Variants in RNF13 observed in about 807,000 individuals in gnomAD.
The protein encoded by RNF13 is E3 ubiquitin-protein ligase RNF13.
RNF13 carries 19 observed loss-of-function variants against 37.7 expected under a neutral mutation model. That is an observed-to-expected ratio of 0.50 (90% CI 0.35 to 0.74). The LOEUF (loss-of-function observed/expected upper bound fraction) is 0.74. Ranked by LOEUF, RNF13 falls within the 30% of genes least tolerant of loss-of-function variation. The pLI, the probability that RNF13 is intolerant of heterozygous loss-of-function variation, is 0.01. For missense variants in RNF13, 375 were observed against 453.0 expected (o/e 0.83, Z 1.56); for synonymous variants, 144 against 157.8 (o/e 0.91, Z 0.65).
chr3:149,916,953 A>G (rs1233025878), intron 7 of RNF13, among the ~76,000 whole-genome samples: 3 of 152,150 alleles, frequency 2.0e-5, no homozygotes, highest in African/African-American at 7.2e-5. Context: ...TGAAACCCAC[A>G]ACTTTTGATA....
rs547252923 is a variant in RNF13, at chr3:149,920,684, T to C, written c.607-450T>C. Among the ~76,000 whole-genome samples the C allele has an allele frequency of 1.5e-3, 230 of 152,236 alleles. 1 individual carries two copies. Among genetic ancestry groups the C allele is most frequent in the African/African-American group, 5.2e-3 (215 of 41,584 alleles). ...ATCCGGCATTTCTGAATATTTGTAG[T>C]GAAGGTGTTCTGCATTATTTCTGCC... is the stretch of plus-strand genomic sequence containing the variant. On this transcript the variant is annotated intron_variant, in intron 7 of 9. Coordinates refer to ENST00000392894, the MANE Select transcript of RNF13 (RefSeq NM_183381.3).
chr3:149,831,363 A>C (rs1721031206), intron 1 of RNF13, among the ~76,000 whole-genome samples: 1 of 152,228 alleles, frequency 6.6e-6, no homozygotes, highest in East Asian at 1.9e-4. Context: ...GAACTGCCCA[A>C]GTCTGCGGGA....
chr3:149,919,865 T>C (rs948722490), intron 7 of RNF13, among the ~76,000 whole-genome samples: 1 of 152,234 alleles, frequency 6.6e-6, no homozygotes, highest in South Asian at 2.1e-4. Flanking sequence ...CACCAGAAAG[T>C]GTATGAGAGT....
At chr3:149,945,255 C>T (rs917166951) in intron 8 of RNF13, among the ~76,000 whole-genome samples, 3 of 152,094 alleles carry the variant, frequency 2.0e-5, no homozygotes, top group African/African-American at 7.2e-5. Flanking sequence ...ATGCCTCCAG[C>T]TTTGTTCTTT....
At chr3:149,925,801 T>G (rs1442655851) in intron 8 of RNF13, among the ~76,000 whole-genome samples, 1 of 152,190 alleles carries the variant, frequency 6.6e-6, no homozygotes, top group Non-Finnish European at 1.5e-5. Context: ...ATTTCCAAAG[T>G]GATTGATGGT....
intron 6 of RNF13, among the ~76,000 whole-genome samples, chr3:149,906,896 G>A (rs1034522156): frequency 3.3e-5 from 5 of 152,064 alleles, no homozygotes; most frequent in African/African-American, 1.2e-4. Context: ...CAAGCAATCT[G>A]TCCGCCTCAG....
chr3:149,832,700 A>T (rs2108342268), intron 1 of RNF13, among the ~76,000 whole-genome samples: 1 of 152,334 alleles, frequency 6.6e-6, no homozygotes, highest in African/African-American at 2.4e-5. Flanking sequence ...GAAAGAGGGG[A>T]CACAACTACC....
chr3:149,939,025 T>G (rs1301531471), intron 8 of RNF13: 1 of 481,788 alleles, frequency 2.1e-6, no homozygotes, highest in African/African-American at 2.0e-5. Flanking sequence ...AGATTTTGAA[T>G]AACCTCCTGG....
intron 8 of RNF13, among the ~76,000 whole-genome samples, chr3:149,941,530 GTTT>G (rs61171032): frequency 5.5e-5 from 8 of 144,464 alleles, no homozygotes; most frequent in African/African-American, 7.7e-5. Context: ...TTTAAATTAG[GTTT>G]TTTTTTTTTT....
At chr3:149,818,160 G>T (rs1031737097) in intron 1 of RNF13, among the ~76,000 whole-genome samples, 1 of 152,150 alleles carries the variant, frequency 6.6e-6, no homozygotes, top group Non-Finnish European at 1.5e-5. Flanking sequence ...CTACTTAGGG[G>T]TTTTTCTGTA....
chr3:149,939,483 T>C, intron 8 of RNF13: 1 of 572,080 alleles, frequency 1.7e-6, no homozygotes, highest in South Asian at 1.4e-5. Flanking sequence ...GCACTGGCTC[T>C]GAAGCACACT....
At chr3:149,842,079 C>G (rs1270398327) in intron 1 of RNF13, among the ~76,000 whole-genome samples, 1 of 151,910 alleles carries the variant, frequency 6.6e-6, no homozygotes, top group Non-Finnish European at 1.5e-5. Context: ...TCTCTTTTTT[C>G]TTTTTCCACC....
intron 3 of RNF13, among the ~76,000 whole-genome samples, chr3:149,853,633 C>T (rs1023501046): frequency 7.9e-5 from 12 of 151,756 alleles, no homozygotes; most frequent in South Asian, 2.1e-4. Flanking sequence ...TTCAGTTTTT[C>T]GTTTATCTTT....
intron 5 of RNF13, among the ~76,000 whole-genome samples, chr3:149,895,947 G>A (rs1715213257): frequency 6.6e-6 from 1 of 152,160 alleles, no homozygotes; most frequent in South Asian, 2.1e-4. Flanking sequence ...GAGTTCCAAA[G>A]CCACATACTT....
intron 4 of RNF13, among the ~76,000 whole-genome samples, chr3:149,874,190 G>A (rs10935782): frequency 0.87 from 132,224 of 152,130 alleles, 57,597 homozygotes; most frequent in African/African-American, 0.92. Context: ...ACAGTGGAGT[G>A]TATTCTGGCC....
At chr3:149,931,358 C>A (rs531310343) in intron 8 of RNF13, among the ~76,000 whole-genome samples, 50 of 152,256 alleles carry the variant, frequency 3.3e-4, no homozygotes, top group Admixed American at 1.2e-3. Flanking sequence ...CCACCACACC[C>A]AGCCTGATTT....
At chr3:149,953,991 A>G (rs868532862) in intron 8 of RNF13, among the ~76,000 whole-genome samples, 20 of 152,332 alleles carry the variant, frequency 1.3e-4, no homozygotes, top group African/African-American at 4.3e-4. Context: ...TTATGATTAA[A>G]AAGAAGACTG....
At position 149,815,887 on chromosome 3, in the gene RNF13, T is replaced by C. The variant is rs2108301642; in HGVS notation, c.-17+2534T>C. Among the ~76,000 whole-genome samples the C allele has an allele frequency of 3.3e-5, 5 of 152,100 alleles. No individual in the cohort carries two copies. The Middle Eastern group carries it at 0.01, about 310-fold the overall frequency. On this transcript the variant is annotated intron_variant, in intron 1 of 9. Transcript: ENST00000392894. ...GTGGTTCTTACAGTCATTGATGTGGTAGATAGTAAGTTGTTTCCTTTTTAT... is the reference window on the plus strand; with the variant it reads ...GTGGTTCTTACAGTCATTGATGTGGCAGATAGTAAGTTGTTTCCTTTTTAT...
intron 4 of RNF13, among the ~76,000 whole-genome samples, chr3:149,880,926 A>G (rs1025491596): frequency 3.9e-5 from 6 of 152,330 alleles, no homozygotes; most frequent in South Asian, 4.1e-4. Flanking sequence ...CCACAGTAAG[A>G]AGTTTATTTT....
Sources: gnomAD v4.1 joint callset for allele counts (sites outside exome capture counted in the v4.1 genomes callset) on GRCh38, gnomAD v4.1.1 for gene constraint, MANE v1.5 for transcripts, NCBI Gene and HGNC (gene_info 2026-07-23, HGNC 2026-07-21) for gene names.